Variants in WNT9B observed in about 807,000 individuals in gnomAD.
WNT9B encodes the protein protein Wnt-9b.
A neutral mutation model predicts 30.2 loss-of-function variants in WNT9B; 12 were observed. The ratio of observed to expected loss-of-function variants is 0.40; its 90% CI spans 0.26 to 0.64. The LOEUF is 0.64. Ranked by LOEUF, WNT9B falls within the 30% of genes least tolerant of loss-of-function variation. The pLI is 0.42. For synonymous variants in WNT9B, 218 were observed against 216.9 expected (o/e 1.01, Z -0.05); for missense variants, 442 against 485.2 (o/e 0.91, Z 0.84).
chr17:46,874,716 T>C (rs1350205518), intron 2 of WNT9B, among the ~76,000 whole-genome samples: 2 of 152,152 alleles, frequency 1.3e-5, no homozygotes, highest in Non-Finnish European at 2.9e-5. Flanking sequence ...TAGCTGGGAA[T>C]ATTGGCATGT....
At chr17:46,863,779 CT>C (rs2085083632) in intron 1 of WNT9B, among the ~76,000 whole-genome samples, 1 of 152,144 alleles carries the variant, frequency 6.6e-6, no homozygotes, top group African/African-American at 2.4e-5. Context: ...GGAGGGTCCC[CT>C]TTCTCCAGCC....
downstream of WNT9B, among the ~76,000 whole-genome samples, chr17:46,882,423 G>A (rs992238957): frequency 2.6e-5 from 4 of 152,160 alleles, no homozygotes; most frequent in African/African-American, 9.7e-5. Context: ...TGGGTGATGT[G>A]TATCCTATTC....
At chr17:46,852,592 C>A (rs1162947929) in intron 1 of WNT9B, among the ~76,000 whole-genome samples, 1 of 151,870 alleles carries the variant, frequency 6.6e-6, no homozygotes, top group Non-Finnish European at 1.5e-5. Context: ...TCTTCTCTGA[C>A]CCTGAATTGC....
At chr17:46,870,378 C>A (rs1261139148) in intron 1 of WNT9B, among the ~76,000 whole-genome samples, 1 of 152,202 alleles carries the variant, frequency 6.6e-6, no homozygotes, top group African/African-American at 2.4e-5. Context: ...TGCCAAGGGT[C>A]AAACTCTGAG....
chr17:46,871,945 T>G lies in WNT9B; in HGVS notation c.78-572T>G, dbSNP rs142544475. ...CTGGGAATTATGGAAACATGTTAGA[T>G]TGGTACAGGATTACTTGGGCAGCAG... On this transcript the variant is annotated intron_variant, in intron 1 of 3. Coordinates refer to ENST00000290015, the MANE Select transcript of WNT9B (RefSeq NM_003396.3). Among the ~76,000 whole-genome samples the G allele has an allele frequency of 7.9e-5, 12 of 152,308 alleles. 1 individual carries two copies. In the East Asian group the frequency reaches 2.3e-3, roughly 29 times the overall value.
chr17:46,885,468 A>T (rs531744718), downstream of WNT9B: 1 of 151,800 alleles, frequency 6.6e-6, no homozygotes, highest in African/African-American at 2.5e-5. Flanking sequence ...ACGCTCAGCT[A>T]ATTTTTGTAT....
At chr17:46,874,102 C>T (rs371217268) in intron 2 of WNT9B, among the ~76,000 whole-genome samples, 42 of 152,078 alleles carry the variant, frequency 2.8e-4, no homozygotes, top group African/African-American at 9.9e-4. Flanking sequence ...GTGTCTCTCT[C>T]GGGACATCAC....
At position 46,872,498 on chromosome 17, in the gene WNT9B, C is replaced by T. The variant is rs946988693; in HGVS notation, c.78-19C>T. 1 of 1,469,528 alleles carries T rather than the reference C, an allele frequency of 6.8e-7. No homozygotes were observed. The allele number at this position is 1,469,528 out of a possible 1,614,324, so 91.0% of individuals were successfully genotyped here. Reference sequence around the variant, plus strand: ...CCATCCCCAAGGCTCACCTGTCTCCCTCCTCTCGCTCTCTCTAGCCTGACC... The same window carrying T: ...CCATCCCCAAGGCTCACCTGTCTCCTTCCTCTCGCTCTCTCTAGCCTGACC... On this transcript the variant is annotated intron_variant, in intron 1 of 3. Coordinates refer to ENST00000290015, the MANE Select transcript of WNT9B (RefSeq NM_003396.3).
At position 46,875,213 on chromosome 17, in the gene WNT9B, G is replaced by A. The variant is rs139153567; in HGVS notation, c.447G>A (p.Pro149=). ...RMERCTCDDS[P]GLESRQAWQW... The stretch of plus-strand genomic sequence containing the variant: ...AGCGCTGCACCTGTGATGACTCTCC[G>A]GGGCTGGAGAGCCGGCAGGCCTGGC... Residue 149 remains proline (P), a synonymous_variant, in exon 3 of 4, where the codon CCG becomes CCA. Transcript: ENST00000290015. 4.0e-5 allele frequency: 65 copies of A among 1,614,066 alleles called. No individual in the cohort carries two copies. Among genetic ancestry groups the A allele is most frequent in the Non-Finnish European group, 4.5e-5 (53 of 1,180,050 alleles).
At chr17:46,873,324 A>G (rs1435672505) in intron 2 of WNT9B, among the ~76,000 whole-genome samples, 1 of 149,844 alleles carries the variant, frequency 6.7e-6, no homozygotes, top group East Asian at 2.0e-4. Flanking sequence ...CTAAGCATCC[A>G]TGGAGGCCCA....
At chr17:46,847,494 T>A (rs1308118539), upstream of WNT9B, among the ~76,000 whole-genome samples, 1 of 151,790 alleles carries the variant, frequency 6.6e-6, no homozygotes, top group African/African-American at 2.4e-5. Flanking sequence ...CTGATGGGAG[T>A]GGTCAGGACT....
chr17:46,884,889 T>G, downstream of WNT9B: 3 of 327,342 alleles, frequency 9.2e-6, no homozygotes, highest in South Asian at 6.7e-5. Context: ...TATATTTGCT[T>G]CCTGACTTGG....
chr17:46,849,188 T>A (rs1242390472), upstream of WNT9B, among the ~76,000 whole-genome samples: 1 of 152,224 alleles, frequency 6.6e-6, no homozygotes, highest in East Asian at 1.9e-4. Context: ...AGCATCCATC[T>A]AAATATTTTC....
rs148340304 is a variant in WNT9B at position 46,876,255 on chromosome 17, G to A, written c.611G>A (p.Ser204Asn). Reference sequence around the variant, plus strand: ...CTGCCTCCCCCACAGGCTGTGAAGAGTGGCCTCAGGACCACGTGTAAGTGC... The same window carrying A: ...CTGCCTCCCCCACAGGCTGTGAAGAATGGCCTCAGGACCACGTGTAAGTGC... ...NTHVGIKAVK[S>N]GLRTTCKCHG... is the part of the protein sequence containing the mutation. Residue 204 changes from serine to asparagine, a missense_variant, in exon 4 of 4, where the codon AGT (serine) becomes AAT (asparagine). Ser to Asn is a conservative substitution (Grantham distance 46). Coordinates refer to ENST00000290015, the MANE Select transcript of WNT9B (RefSeq NM_003396.3). The A allele has an allele frequency of 4.4e-6, 7 of 1,607,880 alleles. No homozygotes were observed. The African/African-American group carries it at 9.4e-5, about 21-fold the overall frequency.
At chr17:46,869,215 A>C (rs1488953390) in intron 1 of WNT9B, among the ~76,000 whole-genome samples, 1 of 152,156 alleles carries the variant, frequency 6.6e-6, no homozygotes, top group African/African-American at 2.4e-5. Context: ...ACCACTAATA[A>C]AATTAACCGA....
upstream of WNT9B, among the ~76,000 whole-genome samples, chr17:46,849,849 C>CTTTTTTT (rs761797393): frequency 4.1e-5 from 6 of 145,750 alleles, 1 homozygote; most frequent in African/African-American, 2.6e-5. Flanking sequence ...CATTTAATAT[C>CTTTTTTT]TTTTTTTTTT....
intron 1 of WNT9B, among the ~76,000 whole-genome samples, chr17:46,867,447 C>A (rs868639746): frequency 1.3e-5 from 2 of 152,216 alleles, no homozygotes; most frequent in African/African-American, 2.4e-5. Flanking sequence ...GAGGGGACAA[C>A]CCTGAGGTCA....
At chr17:46,863,886 T>G (rs1568125291) in intron 1 of WNT9B, among the ~76,000 whole-genome samples, 1 of 152,092 alleles carries the variant, frequency 6.6e-6, no homozygotes, top group East Asian at 1.9e-4. Flanking sequence ...TGGACTACTC[T>G]GGGGGTGGAT....
intron 1 of WNT9B, among the ~76,000 whole-genome samples, chr17:46,864,824 G>A (rs1053761413): frequency 5.3e-5 from 8 of 150,904 alleles, no homozygotes; most frequent in Admixed American, 2.6e-4. Context: ...TGTGGCCACC[G>A]GAGACCTGCA....
Sources: allele counts gnomAD v4.1 joint callset (sites outside exome capture counted in the v4.1 genomes callset), GRCh38; gene constraint gnomAD v4.1.1; transcripts MANE v1.5; gene names NCBI Gene and HGNC (gene_info 2026-07-23, HGNC 2026-07-21).